SSH2: variants seen among roughly 807,000 people sequenced by gnomAD.
SSH2 encodes slingshot protein phosphatase 2.
In SSH2, 37 loss-of-function variants were observed where a neutral mutation model predicts 135.2. The observed-to-expected ratio is 0.27, with a 90% CI of 0.21 to 0.36. SSH2 has a LOEUF of 0.36. SSH2 is among the 10% of genes least tolerant of loss of function. SSH2 has a pLI of 1.00. For missense variants in SSH2, 1,408 were observed against 1,765.3 expected (o/e 0.80, Z 3.63); for synonymous variants, 628 against 646.2 (o/e 0.97, Z 0.43).
At chr17:29,794,717 A>G (rs976993313) in intron 2 of SSH2, among the ~76,000 whole-genome samples, 3 of 152,216 alleles carry the variant, frequency 2.0e-5, no homozygotes, top group African/African-American at 7.2e-5. Flanking sequence ...CTCAATGAAT[A>G]TTTTACAGAT....
At chr17:29,714,512 C>G (rs1259926281) in intron 3 of SSH2, among the ~76,000 whole-genome samples, 1 of 152,072 alleles carries the variant, frequency 6.6e-6, no homozygotes, top group Non-Finnish European at 1.5e-5. Flanking sequence ...GTTGCTGTTA[C>G]CTTCTGATAT....
intron 1 of SSH2, among the ~76,000 whole-genome samples, chr17:29,908,384 G>A (rs757663575): frequency 6.6e-6 from 1 of 152,128 alleles, no homozygotes; most frequent in Non-Finnish European, 1.5e-5. Flanking sequence ...CTTGGGCCCA[G>A]GAGATCAAGG....
intron 1 of SSH2, chr17:29,865,920 G>A (rs1256240909): frequency 1.3e-5 from 2 of 152,298 alleles, no homozygotes; most frequent in Non-Finnish European, 2.9e-5. Context: ...GGTCAACATG[G>A]TGAAACCCTG....
intron 5 of SSH2, among the ~76,000 whole-genome samples, chr17:29,694,148 A>G (rs555589349): frequency 3.7e-4 from 57 of 152,288 alleles, no homozygotes; most frequent in African/African-American, 1.3e-3. Context: ...GCCCAAGACA[A>G]TTCTTCTTTT....
At chr17:29,718,569 T>C (rs1012266576) in intron 3 of SSH2, among the ~76,000 whole-genome samples, 6 of 151,802 alleles carry the variant, frequency 4.0e-5, no homozygotes, top group African/African-American at 1.5e-4. Context: ...TTGTCTCTAC[T>C]AAAAATACAA....
chr17:29,766,309 A>C (rs2041446542), intron 3 of SSH2, among the ~76,000 whole-genome samples: 1 of 151,654 alleles, frequency 6.6e-6, no homozygotes, highest in African/African-American at 2.4e-5. Flanking sequence ...AGCCTGGGCA[A>C]GATAGTGAGA....
intron 3 of SSH2, among the ~76,000 whole-genome samples, chr17:29,764,709 T>C (rs2041404443): frequency 6.6e-6 from 1 of 152,256 alleles, no homozygotes; most frequent in South Asian, 2.1e-4. Context: ...AAAATGTGAA[T>C]ATTCTAAAAT....
At chr17:29,858,356 T>C (rs1342825491) in intron 1 of SSH2, among the ~76,000 whole-genome samples, 1 of 152,260 alleles carries the variant, frequency 6.6e-6, no homozygotes, top group Non-Finnish European at 1.5e-5. Flanking sequence ...CAGACCTGTG[T>C]TCCTTCTGCA....
intron 2 of SSH2, among the ~76,000 whole-genome samples, chr17:29,840,464 G>A (rs1319325991): frequency 6.6e-6 from 1 of 152,134 alleles, no homozygotes; most frequent in East Asian, 1.9e-4. Context: ...ACTGTGCTAA[G>A]AGCTATTGAT....
At chr17:29,674,277 A>G (rs911934863) in intron 8 of SSH2, 4 of 432,326 alleles carry the variant, frequency 9.3e-6, no homozygotes, top group African/African-American at 8.1e-5. Flanking sequence ...AGAGTCTTTT[A>G]AAAATGCTTT....
intron 2 of SSH2, among the ~76,000 whole-genome samples, chr17:29,842,472 G>C (rs1263698630): frequency 4.1e-5 from 6 of 146,114 alleles, no homozygotes; most frequent in African/African-American, 1.5e-4. Flanking sequence ...AAAAAAAAAA[G>C]ATCATCAGGT....
intron 1 of SSH2, among the ~76,000 whole-genome samples, chr17:29,910,056 C>G (rs753274220): frequency 3.7e-4 from 56 of 152,206 alleles, no homozygotes; most frequent in Non-Finnish European, 7.3e-5. Context: ...AGTAGTCCTC[C>G]TGCTTCAGCC....
Position 29,647,928 on chromosome 17 carries a change from G to T in SSH2, c.1427+216C>A. Reference sequence around the variant, plus strand: ...TCCGCTTGCCTCAGCCTCCCAAAGTGCTGGGATTACAGGCGTGAGCCACTG... The same window carrying T: ...TCCGCTTGCCTCAGCCTCCCAAAGTTCTGGGATTACAGGCGTGAGCCACTG... On this transcript the variant is annotated intron_variant, in intron 14 of 15. Coordinates refer to ENST00000540801, the MANE Select transcript of SSH2 (RefSeq NM_001282129.2). 7.8e-6 allele frequency: 4 copies of T among 510,168 alleles called. No homozygotes were observed. The South Asian group carries it at 8.7e-5, about 11-fold the overall frequency. 31.6% of individuals were successfully genotyped at this position (510,168 alleles called of 1,614,324 possible). A position where few individuals can be genotyped will look rare whatever the true frequency, so the allele number is the denominator to read the frequency against.
intron 1 of SSH2, among the ~76,000 whole-genome samples, chr17:29,874,604 C>A (rs1002874080): frequency 6.6e-6 from 1 of 152,066 alleles, no homozygotes; most frequent in Non-Finnish European, 1.5e-5. Flanking sequence ...AAAGAAGGTG[C>A]CTTGCTTCCC....
intron 3 of SSH2, among the ~76,000 whole-genome samples, chr17:29,784,230 T>TAC (rs1401256138): frequency 1.4e-5 from 2 of 147,206 alleles, no homozygotes; most frequent in Non-Finnish European, 3.0e-5. Context: ...CTACTAAAAA[T>TAC]AAAAATAGGC....
chr17:29,893,303 G>A (rs1232334594), intron 1 of SSH2, among the ~76,000 whole-genome samples: 1 of 152,006 alleles, frequency 6.6e-6, no homozygotes, highest in Non-Finnish European at 1.5e-5. Context: ...AAAAGGGGGG[G>A]TGGGGGAGAA....
intron 1 of SSH2, among the ~76,000 whole-genome samples, chr17:29,885,113 T>C (rs1408977257): frequency 1.3e-5 from 2 of 152,162 alleles, no homozygotes; most frequent in African/African-American, 4.8e-5. Context: ...GGCTCTTGCC[T>C]ACTTAGTTCT....
intron 3 of SSH2, among the ~76,000 whole-genome samples, chr17:29,724,350 GA>G (rs2039917569): frequency 6.6e-6 from 1 of 151,944 alleles, no homozygotes; most frequent in Admixed American, 6.5e-5. Context: ...CCAACATGGT[GA>G]AACCCCATCT....
intron 13 of SSH2, 119 bp from the exon 14 acceptor site, chr17:29,648,463 A>G (rs1361006696): frequency 2.6e-6 from 2 of 775,948 alleles, no homozygotes; most frequent in Non-Finnish European, 4.0e-6. Flanking sequence ...TTGCTATGCA[A>G]TCTCTCCACT....
Sources: allele counts gnomAD v4.1 joint callset (sites outside exome capture counted in the v4.1 genomes callset), GRCh38; gene constraint gnomAD v4.1.1; transcripts MANE v1.5; gene names NCBI Gene and HGNC (gene_info 2026-07-23, HGNC 2026-07-21).